The following ALKAL1 variants were observed in gnomAD, a reference collection of about 807,000 sequenced individuals.
ALKAL1 encodes AUG-beta.
In ALKAL1, 23 loss-of-function variants were observed where a neutral mutation model predicts 13.5. The ratio of observed to expected loss-of-function variants is 1.70; its 90% CI spans 1.23 to 2.41. The LOEUF is 2.41. ALKAL1 is among the 30% of genes most tolerant of loss of function. ALKAL1 has a pLI of 0.00. For missense variants in ALKAL1, 181 were observed against 178.4 expected (o/e 1.01, Z -0.08); for synonymous variants, 85 against 77.7 (o/e 1.09, Z -0.49).
intron 1 of ALKAL1, among the ~76,000 whole-genome samples, chr8:52,556,476 T>C (rs1158882658): frequency 6.6e-6 from 1 of 151,150 alleles, no homozygotes; most frequent in South Asian, 2.1e-4. Context: ...TGAAACCCCG[T>C]CTCTACTAAA....
chr8:52,542,143 C>T (rs543606499), intron 2 of ALKAL1, among the ~76,000 whole-genome samples: 2 of 152,150 alleles, frequency 1.3e-5, no homozygotes, highest in African/African-American at 2.4e-5. Flanking sequence ...TACTACAAGC[C>T]GTTCTTGGTA....
intron 1 of ALKAL1, among the ~76,000 whole-genome samples, chr8:52,560,385 G>A (rs941303305): frequency 3.3e-5 from 5 of 152,080 alleles, no homozygotes; most frequent in African/African-American, 4.8e-5. Flanking sequence ...CTACTGTGAC[G>A]TTTTCTACAA....
At chr8:52,542,946 A>G (rs10808871) in intron 1 of ALKAL1, among the ~76,000 whole-genome samples, 108,047 of 152,122 alleles carry the variant, frequency 0.71, 38,542 homozygotes, top group East Asian at 0.89. Context: ...TTTTGTGACC[A>G]TGCCTTGGCA....
intron 1 of ALKAL1, 121 bp downstream of exon 1, chr8:52,564,946 G>T: frequency 2.8e-6 from 2 of 709,976 alleles, no homozygotes; most frequent in Non-Finnish European, 3.9e-6. Context: ...CTGCAGAGAT[G>T]CTCTGTTTTC....
chr8:52,538,503 G>C lies in ALKAL1; in HGVS notation c.330C>G (p.Tyr110Ter). ...NTRECSTPAY[Y>*]KRCARLLTRL... Reference sequence around the variant, plus strand: ...TTGTTAACAATCTAGCACATCTTTTGTAATCTAGGAAAAACATTTAAAGGT... The same window carrying C: ...TTGTTAACAATCTAGCACATCTTTTCTAATCTAGGAAAAACATTTAAAGGT... Residue 110 changes from tyrosine to a stop codon, truncating the protein, a stop_gained, in exon 4 of 5, where the codon TAC (tyrosine) becomes TAG (stop). Transcript: ENST00000358543. LOFTEE classifies it high-confidence loss of function. The C allele has an allele frequency of 1.9e-6, 3 of 1,603,708 alleles. No individual in the cohort carries two copies. In the South Asian group the frequency reaches 3.3e-5, roughly 18 times the overall value.
intron 1 of ALKAL1, 110 bp from the exon 2 acceptor site, chr8:52,542,555 C>G (rs1203542193): frequency 8.6e-6 from 6 of 697,976 alleles, no homozygotes; most frequent in East Asian, 5.4e-5. Flanking sequence ...GGATTTGTGA[C>G]AGTTTATTTA....
At chr8:52,557,898 C>T (rs1204377445) in intron 1 of ALKAL1, among the ~76,000 whole-genome samples, 2 of 147,810 alleles carry the variant, frequency 1.4e-5, no homozygotes, top group Non-Finnish European at 3.0e-5. Context: ...GGTGGGAGGT[C>T]GAGGCTGCAG....
At chr8:52,555,511 T>C (rs554551185) in intron 1 of ALKAL1, among the ~76,000 whole-genome samples, 1 of 152,176 alleles carries the variant, frequency 6.6e-6, no homozygotes, top group Admixed American at 6.5e-5. Flanking sequence ...ATAATGAATA[T>C]ATAAATTTAA....
At chr8:52,534,635 AC>A (rs1317809689) in intron 4 of ALKAL1, 35 bp from the exon 5 acceptor site, 1 of 576,502 alleles carries the variant, frequency 1.7e-6, no homozygotes, top group Admixed American at 3.3e-5. Context: ...ATCATTTATG[AC>A]CTGGTTTTTA....
intron 4 of ALKAL1, among the ~76,000 whole-genome samples, chr8:52,536,714 T>TA (rs1383406056): frequency 1.3e-5 from 2 of 152,200 alleles, no homozygotes; most frequent in African/African-American, 4.8e-5. Context: ...TTTGGACAGT[T>TA]AAAAAATAGA....
chr8:52,556,335 A>G (rs531469981), intron 1 of ALKAL1, among the ~76,000 whole-genome samples: 2 of 152,192 alleles, frequency 1.3e-5, no homozygotes, highest in Non-Finnish European at 2.9e-5. Flanking sequence ...TAAGAATGGA[A>G]TATGTATGGG....
chr8:52,565,167 C>G lies in ALKAL1; in HGVS notation c.90G>C (p.Arg30=). ...LSPHGAHGRP[R]GRRGARVTDK... ...CCGTGACGCGCGCTCCCCTGCGCCC[C>G]CGGGGCCTCCCGTGGGCTCCGTGCG... Residue 30 remains arginine (R), a synonymous_variant, in exon 1 of 5, where the codon CGG becomes CGC. Transcript: ENST00000358543. 1 of 1,390,078 alleles carries G rather than the reference C, an allele frequency of 7.2e-7. No homozygotes were observed. The highest frequency in any genetic ancestry group is 1.6e-5 in the South Asian group (1 of 62,454). The allele number at this position is 1,390,078 out of a possible 1,614,324, so 86.1% of individuals were successfully genotyped here. A position where few individuals can be genotyped will look rare whatever the true frequency, so the allele number is the denominator to read the frequency against.
chr8:52,553,226 T>C (rs995142558), intron 1 of ALKAL1, among the ~76,000 whole-genome samples: 1 of 152,122 alleles, frequency 6.6e-6, no homozygotes, highest in Middle Eastern at 3.4e-3. Context: ...TGCATGACTG[T>C]GGTCCATGCT....
intron 1 of ALKAL1, among the ~76,000 whole-genome samples, chr8:52,544,466 G>A (rs978299825): frequency 4.6e-5 from 7 of 152,218 alleles, no homozygotes; most frequent in African/African-American, 1.7e-4. Context: ...GTGAGACAAG[G>A]CTGCAGGTGC....
In ALKAL1 at chr8:52,565,247, G is replaced by T; in HGVS notation, c.10C>A (p.Leu4Ile). Residue 4 changes from leucine (L) to isoleucine (I), a missense_variant, in exon 1 of 5, where the codon CTT (leucine) becomes ATT (isoleucine). Transcript: ENST00000358543. ...GCGGGCAAAGGGGCGCCGGGCTTAA[G>T]GGGCCGCATGTTCGCAAGCCGGGAG... MRP[L>I]KPGAPLPALF... is the part of the protein sequence containing the mutation. 1 of 1,313,676 alleles carries T rather than the reference G, an allele frequency of 7.6e-7. No individual in the cohort carries two copies. Among genetic ancestry groups the T allele is most frequent in the South Asian group, 2.3e-5 (1 of 43,830 alleles). 81.4% of individuals were successfully genotyped at this position (1,313,676 alleles called of 1,614,324 possible). A position where few individuals can be genotyped will look rare whatever the true frequency, so the allele number is the denominator to read the frequency against.
chr8:52,547,402 A>C (rs1302081257), intron 1 of ALKAL1, among the ~76,000 whole-genome samples: 1 of 152,174 alleles, frequency 6.6e-6, no homozygotes, highest in Non-Finnish European at 1.5e-5. Context: ...CGGAAGGCTG[A>C]GGGAGGAGAA....
At position 52,538,527 on chromosome 8, in the gene ALKAL1, G is replaced by C; in HGVS notation, c.326-20C>G. 6.6e-7 allele frequency: 1 copy of C among 1,513,724 alleles called. No homozygotes were observed. Among genetic ancestry groups the C allele is most frequent in the African/African-American group, 1.4e-5 (1 of 72,312 alleles). 93.8% of individuals were successfully genotyped at this position (1,513,724 alleles called of 1,614,324 possible). On this transcript the variant is annotated intron_variant, in intron 3 of 4. Transcript: ENST00000358543. ...TGTAATCTAGGAAAAACATTTAAAG[G>C]TAAATTATATATAGAGTTACTAGAA...
intron 2 of ALKAL1, 33 bp downstream of exon 2, chr8:52,542,359 G>A (rs1420781243): frequency 1.5e-6 from 2 of 1,363,824 alleles, no homozygotes; most frequent in Non-Finnish European, 2.1e-6. Flanking sequence ...TTTTTATTTA[G>A]TTAATGGAAT....
At chr8:52,546,270 A>G (rs1022368937) in intron 1 of ALKAL1, among the ~76,000 whole-genome samples, 2 of 152,180 alleles carry the variant, frequency 1.3e-5, no homozygotes, top group East Asian at 3.9e-4. Context: ...CTGCTGCAAC[A>G]TGCCCACATC....
Sources: allele counts gnomAD v4.1 joint callset (sites outside exome capture counted in the v4.1 genomes callset), GRCh38; gene constraint gnomAD v4.1.1; transcripts MANE v1.5; gene names NCBI Gene and HGNC (gene_info 2026-07-23, HGNC 2026-07-21).